ATPSCKMT: variants seen among roughly 807,000 people sequenced by gnomAD.
The protein encoded by ATPSCKMT is ATP synthase c subunit lysine N-methyltransferase, also known as ATP synthase subunit C lysine N-methyltransferase.
Under a neutral mutation model 24.3 loss-of-function variants are expected in ATPSCKMT, and 24 were observed. That is an observed-to-expected ratio of 0.99 (90% CI 0.71 to 1.39). The LOEUF (loss-of-function observed/expected upper bound fraction) is 1.39. Ranked by LOEUF, ATPSCKMT falls within the 40% of genes most tolerant of loss-of-function variation. The pLI, the probability that ATPSCKMT is intolerant of heterozygous loss-of-function variation, is 0.00. For synonymous variants in ATPSCKMT, 95 were observed against 110.5 expected, an observed-to-expected ratio of 0.86 and a Z score of 0.88; for missense variants, 311 against 298.4, an observed-to-expected ratio of 1.04 and a Z score of -0.31.
At chr5:10,227,722 G>A in intron 4 of ATPSCKMT, 75 bp from the exon 5 acceptor site, 3 of 1,435,726 alleles carry the variant, frequency 2.1e-6, no homozygotes, top group Non-Finnish European at 2.9e-6. Context: ...CTGTTTTTAA[G>A]AGTCCCTGAA....
At chr5:10,230,255 C>T (rs1309116117) in intron 4 of ATPSCKMT, among the ~76,000 whole-genome samples, 5 of 129,284 alleles carry the variant, frequency 3.9e-5, no homozygotes, top group Non-Finnish European at 8.4e-5. Flanking sequence ...ATTCTTTTAA[C>T]AGCCAGTATA....
chr5:10,238,485 G>A (rs1744475500), intron 2 of ATPSCKMT, among the ~76,000 whole-genome samples: 1 of 152,122 alleles, frequency 6.6e-6, no homozygotes, highest in Non-Finnish European at 1.5e-5. Flanking sequence ...TCTGGGATGA[G>A]GCTAAGGATG....
rs1244461783 is a variant in ATPSCKMT at position 10,225,721 on chromosome 5, G to T, written c.*1720C>A. Among the ~76,000 whole-genome samples the T allele has an allele frequency of 6.6e-6, 1 of 152,028 alleles. No homozygotes were observed. Among genetic ancestry groups the T allele is most frequent in the Non-Finnish European group, 1.5e-5 (1 of 68,016 alleles). ...CCACCAGGTCCTTCCCACAACACGT[G>T]GGAATTCAAGATGAGATTTGGGTAG... On this transcript the variant is annotated 3_prime_UTR_variant, in exon 5 of 5. Transcript: ENST00000511437.
At chr5:10,249,431 G>T in intron 1 of ATPSCKMT, 1 of 198,580 alleles carries the variant, frequency 5.0e-6, no homozygotes, top group Non-Finnish European at 1.0e-5. Context: ...GAATCTCACA[G>T]CAGCCCTGTG....
chr5:10,247,358 T>G (rs1239538993), intron 1 of ATPSCKMT, among the ~76,000 whole-genome samples: 1 of 152,220 alleles, frequency 6.6e-6, no homozygotes. Context: ...GATTCCTTTT[T>G]GCGATGGGGT....
intron 1 of ATPSCKMT, among the ~76,000 whole-genome samples, chr5:10,248,905 G>A (rs1411371960): frequency 6.6e-6 from 1 of 152,122 alleles, no homozygotes; most frequent in Admixed American, 6.5e-5. Flanking sequence ...AGGGCGGGGA[G>A]GAAGGCAGCA....
intron 4 of ATPSCKMT, among the ~76,000 whole-genome samples, chr5:10,232,403 A>G (rs1192318332): frequency 2.0e-5 from 3 of 152,218 alleles, no homozygotes; most frequent in Admixed American, 2.0e-4. Flanking sequence ...CTAGAAGAAG[A>G]AAGGCCTGGT....
chr5:10,243,436 C>T (rs1229271872), intron 1 of ATPSCKMT, among the ~76,000 whole-genome samples: 1 of 151,950 alleles, frequency 6.6e-6, no homozygotes, highest in East Asian at 1.9e-4. Context: ...GTGATCAGGC[C>T]ACTGCACTCT....
At chr5:10,236,843 G>T in intron 2 of ATPSCKMT, 1 of 1,472,670 alleles carries the variant, frequency 6.8e-7, no homozygotes. Flanking sequence ...TTCACCTCAA[G>T]TATCAGAATA....
At chr5:10,238,224 C>T (rs149410100) in intron 2 of ATPSCKMT, among the ~76,000 whole-genome samples, 544 of 152,236 alleles carry the variant, frequency 3.6e-3, no homozygotes, top group African/African-American at 0.012. Flanking sequence ...GAACCGTACA[C>T]CTGCACATGG....
At chr5:10,240,001 C>T (rs998562961) in intron 1 of ATPSCKMT, among the ~76,000 whole-genome samples, 13 of 151,404 alleles carry the variant, frequency 8.6e-5, no homozygotes, top group Non-Finnish European at 5.9e-5. Context: ...CCAAGGCGGG[C>T]CGATCACGAG....
intron 1 of ATPSCKMT, among the ~76,000 whole-genome samples, chr5:10,241,032 T>G (rs988650786): frequency 1.8e-4 from 28 of 151,888 alleles, no homozygotes; most frequent in Non-Finnish European, 5.9e-5. Context: ...TCACCATTTA[T>G]TATCATACAG....
chr5:10,227,987 G>C (rs1373201433), intron 4 of ATPSCKMT, among the ~76,000 whole-genome samples: 1 of 152,158 alleles, frequency 6.6e-6, no homozygotes, highest in Non-Finnish European at 1.5e-5. Flanking sequence ...AATATACCTA[G>C]TCTCATATAT....
At chr5:10,228,073 G>T (rs914157103) in intron 4 of ATPSCKMT, among the ~76,000 whole-genome samples, 3 of 152,098 alleles carry the variant, frequency 2.0e-5, no homozygotes, top group Non-Finnish European at 4.4e-5. Flanking sequence ...TCAAACTCCT[G>T]GGCTCAAGCA....
chr5:10,230,454 T>C (rs542212859), intron 4 of ATPSCKMT, among the ~76,000 whole-genome samples: 19 of 152,332 alleles, frequency 1.2e-4, no homozygotes, highest in African/African-American at 3.8e-4. Context: ...CAAATGATTG[T>C]CATATGCTAA....
intron 3 of ATPSCKMT, 87 bp downstream of exon 3, chr5:10,236,391 A>G: frequency 7.0e-7 from 1 of 1,427,892 alleles, no homozygotes; most frequent in Non-Finnish European, 9.5e-7. Context: ...TTTTCTTTTA[A>G]TACATTTTTC....
intron 1 of ATPSCKMT, among the ~76,000 whole-genome samples, chr5:10,247,785 C>G (rs1020538157): frequency 6.6e-5 from 10 of 152,208 alleles, no homozygotes; most frequent in Non-Finnish European, 1.3e-4. Flanking sequence ...GAACAAGGAG[C>G]CATTCTATTA....
intron 1 of ATPSCKMT, among the ~76,000 whole-genome samples, chr5:10,241,578 G>A (rs1744648386): frequency 6.6e-6 from 1 of 152,198 alleles, no homozygotes; most frequent in Non-Finnish European, 1.5e-5. Flanking sequence ...GGTCGGCGGA[G>A]GGGGCGGTGG....
intron 1 of ATPSCKMT, among the ~76,000 whole-genome samples, chr5:10,245,168 T>C (rs143632580): frequency 0.016 from 2,496 of 152,086 alleles, 19 homozygotes; most frequent in Middle Eastern, 0.027. Context: ...CGCCTGTAAT[T>C]CCAGCACTTT....
Sources: allele counts gnomAD v4.1 joint callset (sites outside exome capture counted in the v4.1 genomes callset), GRCh38; gene constraint gnomAD v4.1.1; transcripts MANE v1.5; gene names NCBI Gene and HGNC (gene_info 2026-07-23, HGNC 2026-07-21).